Variants in NAV2 observed in about 807,000 individuals in gnomAD.
NAV2 encodes neuron navigator 2, also known as helicase, APC down-regulated 1.
A neutral mutation model predicts 223.2 loss-of-function variants in NAV2; 54 were observed. That is an observed-to-expected ratio of 0.24 (90% CI 0.19 to 0.30). NAV2 has a LOEUF of 0.30. NAV2 is among the 10% of genes least tolerant of loss of function. NAV2 has a pLI of 1.00. For synonymous variants in NAV2, 1,279 were observed against 1,239.3 expected (o/e 1.03, Z -0.67); for missense variants, 2,806 against 3,147.5 (o/e 0.89, Z 2.60).
chr11:19,674,582 G>A (rs1490971334), intron 1 of NAV2, among the ~76,000 whole-genome samples: 1 of 152,210 alleles, frequency 6.6e-6, no homozygotes, highest in Non-Finnish European at 1.5e-5. Flanking sequence ...AAAGGTGGGG[G>A]CAAACCCAGA....
intron 1 of NAV2, among the ~76,000 whole-genome samples, chr11:19,775,187 T>A (rs985481860): frequency 1.3e-5 from 2 of 152,264 alleles, no homozygotes; most frequent in Admixed American, 1.3e-4. Context: ...TTTCCAAATA[T>A]ATAAATATAT....
chr11:19,627,012 C>T (rs184882668), intron 1 of NAV2, among the ~76,000 whole-genome samples: 2 of 152,294 alleles, frequency 1.3e-5, no homozygotes, highest in East Asian at 1.9e-4. Context: ...TATGATCTGG[C>T]ACATAGTTTA....
intron 1 of NAV2, among the ~76,000 whole-genome samples, chr11:19,676,454 T>C (rs2048713973): frequency 1.3e-5 from 2 of 149,844 alleles, no homozygotes; most frequent in South Asian, 4.3e-4. Flanking sequence ...AATATTGAAG[T>C]CAGTGTTTCC....
At chr11:19,546,522 G>T (rs1045417200) in intron 1 of NAV2, among the ~76,000 whole-genome samples, 2 of 152,208 alleles carry the variant, frequency 1.3e-5, no homozygotes, top group African/African-American at 4.8e-5. Context: ...CACCTGCAGG[G>T]TGGGGCGGCT....
At chr11:19,369,458 A>T (rs1274824891) in intron 1 of NAV2, among the ~76,000 whole-genome samples, 1 of 152,124 alleles carries the variant, frequency 6.6e-6, no homozygotes, top group African/African-American at 2.4e-5. Flanking sequence ...CATAGTTATC[A>T]CTTAATGTGA....
intron 5 of NAV2, among the ~76,000 whole-genome samples, chr11:19,881,922 T>C (rs145991000): frequency 0.013 from 1,923 of 152,204 alleles, 37 homozygotes; most frequent in African/African-American, 0.043. Flanking sequence ...GAGGGATCAG[T>C]GATAAGGTAG....
intron 3 of NAV2, among the ~76,000 whole-genome samples, chr11:19,850,260 C>T (rs1469780652): frequency 6.6e-6 from 1 of 152,174 alleles, no homozygotes; most frequent in Non-Finnish European, 1.5e-5. Context: ...TGCCTATCAT[C>T]TTTTGTGTCC....
intron 1 of NAV2, among the ~76,000 whole-genome samples, chr11:19,688,685 C>T (rs1289659757): frequency 1.3e-5 from 2 of 152,152 alleles, no homozygotes; most frequent in Admixed American, 1.3e-4. Flanking sequence ...CAGCTCTCTC[C>T]TACTAAGAGA....
chr11:20,051,557 T>C (rs905588563), intron 17 of NAV2, among the ~76,000 whole-genome samples: 1 of 152,200 alleles, frequency 6.6e-6, no homozygotes, highest in Non-Finnish European at 1.5e-5. Flanking sequence ...AGGCTTAATG[T>C]GGTAAAACCA....
At chr11:19,491,178 G>C (rs891814463) in intron 1 of NAV2, among the ~76,000 whole-genome samples, 3 of 152,064 alleles carry the variant, frequency 2.0e-5, no homozygotes, top group Non-Finnish European at 2.9e-5. Flanking sequence ...GGATTTTCAG[G>C]GTAGTAAATG....
chr11:19,619,285 A>T (rs1565106466), intron 1 of NAV2, among the ~76,000 whole-genome samples: 1 of 152,052 alleles, frequency 6.6e-6, no homozygotes, highest in African/African-American at 2.4e-5. Flanking sequence ...AGTAATGAGA[A>T]AGCTGGGTCA....
chr11:19,821,383 T>C (rs2059374578), intron 1 of NAV2, among the ~76,000 whole-genome samples: 1 of 152,126 alleles, frequency 6.6e-6, no homozygotes, highest in Admixed American at 6.5e-5. Flanking sequence ...TCCCAGCACG[T>C]TCACCAGCCT....
chr11:20,079,424 T>C (rs2059955025), intron 24 of NAV2, among the ~76,000 whole-genome samples: 1 of 152,208 alleles, frequency 6.6e-6, no homozygotes, highest in Non-Finnish European at 1.5e-5. Context: ...CTACAACTAG[T>C]GTTCTCAAAG....
At chr11:19,981,995 A>C (rs2153449901) in intron 10 of NAV2, among the ~76,000 whole-genome samples, 1 of 146,804 alleles carries the variant, frequency 6.8e-6, no homozygotes, top group East Asian at 2.0e-4. Flanking sequence ...TCATGTGTTC[A>C]TTCATTCAAC....
chr11:19,827,370 G>A (rs891893214), intron 1 of NAV2, among the ~76,000 whole-genome samples: 2 of 152,176 alleles, frequency 1.3e-5, no homozygotes, highest in African/African-American at 4.8e-5. Flanking sequence ...AAATGGATGA[G>A]TCTGTGTCCT....
At chr11:19,406,642 C>A (rs193199684) in intron 1 of NAV2, among the ~76,000 whole-genome samples, 1 of 152,232 alleles carries the variant, frequency 6.6e-6, no homozygotes, top group East Asian at 1.9e-4. Flanking sequence ...CCTCATCCAG[C>A]CTTCTTTTTT....
intron 1 of NAV2, among the ~76,000 whole-genome samples, chr11:19,571,448 C>CTG (rs1406013382): frequency 6.6e-6 from 1 of 152,310 alleles, no homozygotes; most frequent in East Asian, 1.9e-4. Context: ...CAGTGCCAGC[C>CTG]TGTAATCCCA....
intron 11 of NAV2, chr11:20,027,317 C>A: frequency 1.0e-6 from 1 of 985,468 alleles, no homozygotes. Flanking sequence ...CGGGGTTTCA[C>A]GGGAACAATT....
intron 1 of NAV2, among the ~76,000 whole-genome samples, chr11:19,453,417 C>T (rs926056821): frequency 5.3e-5 from 8 of 152,158 alleles, no homozygotes; most frequent in Admixed American, 2.6e-4. Flanking sequence ...AAAGTGCTAC[C>T]GGGCAGCAAG....
Sources: allele counts gnomAD v4.1 joint callset (sites outside exome capture counted in the v4.1 genomes callset), GRCh38; gene constraint gnomAD v4.1.1; transcripts MANE v1.5; gene names NCBI Gene and HGNC (gene_info 2026-07-23, HGNC 2026-07-21).